PLCB1: variants seen among roughly 807,000 people sequenced by gnomAD.
The protein encoded by PLCB1 is phospholipase C beta 1.
In PLCB1, 46 loss-of-function variants were observed where a neutral mutation model predicts 161.8. That is an observed-to-expected ratio of 0.28 (90% CI 0.22 to 0.36). The LOEUF (loss-of-function observed/expected upper bound fraction) is 0.36. Ranked by LOEUF, PLCB1 falls within the 10% of genes least tolerant of loss-of-function variation. The pLI, the probability that PLCB1 is intolerant of heterozygous loss-of-function variation, is 1.00. For missense variants in PLCB1, 1,016 were observed against 1,472.5 expected (o/e 0.69, Z 5.07); for synonymous variants, 517 against 503.7 (o/e 1.03, Z -0.35).
At chr20:8,869,944 A>G (rs1987556276) in intron 31 of PLCB1, among the ~76,000 whole-genome samples, 1 of 152,204 alleles carries the variant, frequency 6.6e-6, no homozygotes, top group Admixed American at 6.5e-5. Context: ...AGAGTAGTCT[A>G]AGCATGTTCC....
intron 3 of PLCB1, among the ~76,000 whole-genome samples, chr20:8,376,878 A>G (rs1388502276): frequency 6.6e-6 from 1 of 152,042 alleles, no homozygotes; most frequent in Non-Finnish European, 1.5e-5. Context: ...CAGTGAGCCA[A>G]GATCACACCA....
At position 8,497,866 on chromosome 20, in the gene PLCB1, G is replaced by A. The variant is rs187056616; in HGVS notation, c.246+126416G>A. ...GAAGCTCATTAACTATAGAAATTTA[G>A]CCTATTAATTAGGGAGTGTTCATTT... On this transcript the variant is annotated intron_variant, in intron 3 of 31. Transcript: ENST00000338037. Among the ~76,000 whole-genome samples, 501 of 152,224 alleles carry A rather than the reference G, an allele frequency of 3.3e-3. 24 individuals carry two copies. Among genetic ancestry groups the A allele is most frequent in the Admixed American group, 0.027 (410 of 15,288 alleles).
chr20:8,188,765 TATAAA>T (rs1213932007), intron 2 of PLCB1, among the ~76,000 whole-genome samples: 2 of 152,282 alleles, frequency 1.3e-5, no homozygotes, highest in Admixed American at 1.3e-4. Flanking sequence ...GTTAGGGTCT[TATAAA>T]ATGTGCTAAA....
chr20:8,788,763 G>A, intron 29 of PLCB1, 41 bp downstream of exon 29: 1 of 1,312,520 alleles, frequency 7.6e-7, no homozygotes, highest in Non-Finnish European at 1.1e-6. Flanking sequence ...GTTCATCTGG[G>A]AATTATTTTA....
intron 2 of PLCB1, among the ~76,000 whole-genome samples, chr20:8,209,130 C>T (rs6108119): frequency 2.0e-5 from 3 of 151,844 alleles, no homozygotes; most frequent in African/African-American, 7.3e-5. Context: ...AAGGGGTGGC[C>T]GTCCTGACCA....
chr20:8,821,842 A>G (rs1490607994), intron 31 of PLCB1, among the ~76,000 whole-genome samples: 2 of 151,714 alleles, frequency 1.3e-5, no homozygotes, highest in Non-Finnish European at 2.9e-5. Flanking sequence ...GCCCCCTCGC[A>G]GTGTGCACTA....
At chr20:8,776,892 G>A (rs6039260) in intron 27 of PLCB1, among the ~76,000 whole-genome samples, 48,405 of 151,910 alleles carry the variant, frequency 0.32, 7,778 homozygotes, top group Middle Eastern at 0.48. Flanking sequence ...AAGGAGGGGC[G>A]GTTTGGGGAA....
chr20:8,395,130 T>C (rs1987730523), intron 3 of PLCB1, among the ~76,000 whole-genome samples: 1 of 152,112 alleles, frequency 6.6e-6, no homozygotes, highest in Non-Finnish European at 1.5e-5. Flanking sequence ...TAAATAAATT[T>C]AGTAAGAGTT....
intron 2 of PLCB1, among the ~76,000 whole-genome samples, chr20:8,244,397 A>G (rs1051459176): frequency 5.3e-5 from 8 of 151,998 alleles, no homozygotes; most frequent in African/African-American, 1.9e-4. Flanking sequence ...AATACTGTTC[A>G]GCAATAAAAA....
intron 31 of PLCB1, among the ~76,000 whole-genome samples, chr20:8,843,667 A>G (rs923142034): frequency 2.0e-5 from 3 of 152,108 alleles, no homozygotes; most frequent in Non-Finnish European, 4.4e-5. Context: ...AAGAATAAAG[A>G]TGAAAATAAT....
At chr20:8,660,049 A>T (rs1053245751) in intron 9 of PLCB1, among the ~76,000 whole-genome samples, 7 of 151,358 alleles carry the variant, frequency 4.6e-5, no homozygotes, top group African/African-American at 1.7e-4. Context: ...AAAATCTATT[A>T]ATCATATTCT....
chr20:8,232,331 C>CT (rs1980097578), intron 2 of PLCB1, among the ~76,000 whole-genome samples: 1 of 152,094 alleles, frequency 6.6e-6, no homozygotes, highest in Non-Finnish European at 1.5e-5. Flanking sequence ...TCATTAGCAT[C>CT]TTAAGATAAA....
chr20:8,400,165 A>G (rs934884363), intron 3 of PLCB1, among the ~76,000 whole-genome samples: 3 of 152,168 alleles, frequency 2.0e-5, no homozygotes, highest in Non-Finnish European at 4.4e-5. Context: ...GTGGGTGACA[A>G]TGTCATATTT....
intron 9 of PLCB1, among the ~76,000 whole-genome samples, chr20:8,670,091 T>A (rs1212916374): frequency 2.0e-5 from 3 of 152,196 alleles, no homozygotes; most frequent in Non-Finnish European, 4.4e-5. Context: ...TTTTAAATGA[T>A]AAATCAGTAC....
intron 3 of PLCB1, among the ~76,000 whole-genome samples, chr20:8,429,774 C>G (rs920649962): frequency 6.6e-6 from 1 of 151,832 alleles, no homozygotes; most frequent in African/African-American, 2.4e-5. Context: ...GCAAATCTAC[C>G]CTGCACAGTC....
chr20:8,498,386 C>T (rs371452799), intron 3 of PLCB1, among the ~76,000 whole-genome samples: 172 of 152,208 alleles, frequency 1.1e-3, no homozygotes, highest in Non-Finnish European at 2.1e-3. Flanking sequence ...TGAGCCACCA[C>T]GCCCGACCAC....
intron 2 of PLCB1, among the ~76,000 whole-genome samples, chr20:8,369,347 T>C (rs1986827216): frequency 6.6e-6 from 1 of 152,214 alleles, no homozygotes; most frequent in Admixed American, 6.5e-5. Flanking sequence ...TCTCCACTTA[T>C]TTCCCATCTT....
intron 3 of PLCB1, among the ~76,000 whole-genome samples, chr20:8,395,258 A>G (rs1215120580): frequency 6.6e-6 from 1 of 152,072 alleles, no homozygotes; most frequent in African/African-American, 2.4e-5. Flanking sequence ...AGTTAATGAG[A>G]CATTTATTTT....
chr20:8,307,241 A>T (rs150221424), intron 2 of PLCB1, among the ~76,000 whole-genome samples: 1 of 152,312 alleles, frequency 6.6e-6, no homozygotes, highest in Non-Finnish European at 1.5e-5. Flanking sequence ...CAGGCAGGGC[A>T]TTCTGAGGGG....
Sources: gnomAD v4.1 joint callset for allele counts (sites outside exome capture counted in the v4.1 genomes callset) on GRCh38, gnomAD v4.1.1 for gene constraint, MANE v1.5 for transcripts, NCBI Gene and HGNC (gene_info 2026-07-23, HGNC 2026-07-21) for gene names.